The following CADM2 variants were observed in gnomAD, a reference collection of about 807,000 sequenced individuals.
CADM2 encodes immunoglobulin superfamily member 4D.
Under a neutral mutation model 49.8 loss-of-function variants are expected in CADM2, and 12 were observed. The ratio of observed to expected loss-of-function variants is 0.24; its 90% CI spans 0.15 to 0.39. The LOEUF (loss-of-function observed/expected upper bound fraction) is 0.39, where lower values mean the gene tolerates loss of function less well. Ranked by LOEUF, CADM2 falls within the 10% of genes least tolerant of loss-of-function variation. The pLI is 1.00. For missense variants in CADM2, 378 were observed against 492.3 expected (o/e 0.77, Z 2.20); for synonymous variants, 214 against 175.4 (o/e 1.22, Z -1.74).
At chr3:85,498,733 G>A (rs2040001291) in intron 1 of CADM2, among the ~76,000 whole-genome samples, 1 of 152,104 alleles carries the variant, frequency 6.6e-6, no homozygotes, top group African/African-American at 2.4e-5. Flanking sequence ...TTGATAAGCT[G>A]AGAGAAATAC....
At chr3:85,471,193 T>A (rs1373171426) in intron 1 of CADM2, among the ~76,000 whole-genome samples, 3 of 152,102 alleles carry the variant, frequency 2.0e-5, no homozygotes, top group Non-Finnish European at 2.9e-5. Flanking sequence ...CACTCAGGGA[T>A]CCAGGTTTCA....
intron 1 of CADM2, among the ~76,000 whole-genome samples, chr3:85,283,703 A>G (rs950913146): frequency 6.6e-6 from 1 of 152,160 alleles, no homozygotes; most frequent in Non-Finnish European, 1.5e-5. Context: ...ATAACAAAAT[A>G]GAGTATACTT....
At chr3:84,982,399 T>G (rs1559601195) in intron 1 of CADM2, among the ~76,000 whole-genome samples, 1 of 152,002 alleles carries the variant, frequency 6.6e-6, no homozygotes, top group Non-Finnish European at 1.5e-5. Flanking sequence ...ATGCAGATAG[T>G]CTATATCAAC....
intron 1 of CADM2, among the ~76,000 whole-genome samples, chr3:85,207,357 G>A (rs192451097): frequency 6.6e-6 from 1 of 151,918 alleles, no homozygotes; most frequent in African/African-American, 2.4e-5. Flanking sequence ...TATTTTTAGA[G>A]GTATTTCTGC....
intron 1 of CADM2, among the ~76,000 whole-genome samples, chr3:85,000,114 T>TTCTCTCTCTCTCTCTCTCTCTC (rs59094520): frequency 3.5e-4 from 48 of 136,900 alleles, no homozygotes; most frequent in Admixed American, 3.4e-3. Context: ...TGCTTCTACT[T>TTCTCTCTCTCTCTCTCTCTCTC]TCTCTCTCTC....
intron 8 of CADM2, among the ~76,000 whole-genome samples, chr3:86,037,535 A>C (rs143173587): frequency 6.6e-6 from 1 of 152,316 alleles, no homozygotes; most frequent in Non-Finnish European, 1.5e-5. Context: ...CCAAAAATAT[A>C]TTGAATAAGG....
intron 1 of CADM2, among the ~76,000 whole-genome samples, chr3:84,963,993 T>A (rs1218163958): frequency 1.3e-5 from 2 of 152,176 alleles, no homozygotes; most frequent in East Asian, 3.9e-4. Flanking sequence ...AATTGGTAAT[T>A]AAGAAAATCT....
intron 1 of CADM2, among the ~76,000 whole-genome samples, chr3:85,261,350 G>A (rs186552063): frequency 3.7e-3 from 557 of 152,120 alleles, no homozygotes; most frequent in Middle Eastern, 0.01. Context: ...TGGCCAGGCC[G>A]GTCTTGAACT....
chr3:85,980,847 A>G (rs768489243), intron 8 of CADM2, among the ~76,000 whole-genome samples: 2 of 151,522 alleles, frequency 1.3e-5, no homozygotes, highest in Non-Finnish European at 3.0e-5. Flanking sequence ...AGGGAGATAT[A>G]TTGACTTTTT....
chr3:85,537,469 A>G (rs981861140), intron 1 of CADM2, among the ~76,000 whole-genome samples: 7 of 141,548 alleles, frequency 4.9e-5, no homozygotes, highest in African/African-American at 5.1e-5. Context: ...TGATTGGTCA[A>G]GTACAAGTAC....
intron 2 of CADM2, among the ~76,000 whole-genome samples, chr3:85,730,440 T>TAAATAAAATA (rs57097045): frequency 0.15 from 22,037 of 145,904 alleles, 1,936 homozygotes; most frequent in South Asian, 0.22. Flanking sequence ...AGACTCTGTC[T>TAAATAAAATA]AAATAAAATA....
intron 2 of CADM2, among the ~76,000 whole-genome samples, chr3:85,767,305 A>G (rs892158610): frequency 1.3e-5 from 2 of 152,190 alleles, no homozygotes; most frequent in South Asian, 2.1e-4. Flanking sequence ...CAATGTACAA[A>G]TAAGCCGGCG....
intron 3 of CADM2, among the ~76,000 whole-genome samples, chr3:85,831,945 T>A (rs932290080): frequency 2.0e-5 from 3 of 152,018 alleles, no homozygotes; most frequent in African/African-American, 7.2e-5. Context: ...CTAGAATTTT[T>A]ATAGTTTTAG....
At chr3:85,432,981 C>A (rs1277287369) in intron 1 of CADM2, among the ~76,000 whole-genome samples, 2 of 151,942 alleles carry the variant, frequency 1.3e-5, no homozygotes, top group African/African-American at 2.4e-5. Context: ...AAAAAAAATA[C>A]AACAATACCA....
At chr3:85,163,593 A>G (rs796799968) in intron 1 of CADM2, among the ~76,000 whole-genome samples, 2 of 152,216 alleles carry the variant, frequency 1.3e-5, no homozygotes, top group African/African-American at 4.8e-5. Context: ...AGATACAAAA[A>G]TACATATATA....
chr3:85,808,183 A>C (rs1446299860), intron 3 of CADM2, among the ~76,000 whole-genome samples: 1 of 152,192 alleles, frequency 6.6e-6, no homozygotes, highest in African/African-American at 2.4e-5. Context: ...TATAATACTT[A>C]AGAATCTGCA....
At chr3:85,630,768 A>C (rs1187059554) in intron 1 of CADM2, among the ~76,000 whole-genome samples, 1 of 151,996 alleles carries the variant, frequency 6.6e-6, no homozygotes, top group Non-Finnish European at 1.5e-5. Context: ...TTAAGCATTC[A>C]CCTCTTGAAA....
intron 1 of CADM2, among the ~76,000 whole-genome samples, chr3:85,238,778 A>T (rs1180279620): frequency 1.3e-5 from 2 of 151,952 alleles, no homozygotes; most frequent in South Asian, 2.1e-4. Flanking sequence ...TAAAATCCCC[A>T]AATACAATTT....
intron 1 of CADM2, among the ~76,000 whole-genome samples, chr3:85,353,405 A>G (rs931023824): frequency 7.2e-5 from 11 of 152,084 alleles, no homozygotes; most frequent in African/African-American, 2.4e-4. Context: ...CTTAAAATTT[A>G]TATTTCACTC....
Sources: allele counts gnomAD v4.1 joint callset (sites outside exome capture counted in the v4.1 genomes callset), GRCh38; gene constraint gnomAD v4.1.1; transcripts MANE v1.5; gene names NCBI Gene and HGNC (gene_info 2026-07-23, HGNC 2026-07-21).